C11orf87: variants seen among roughly 807,000 people sequenced by gnomAD.
The protein encoded by C11orf87 is uncharacterized protein C11orf87.
C11orf87 carries 3 observed loss-of-function variants against 9.2 expected under a neutral mutation model. The ratio of observed to expected loss-of-function variants is 0.33; its 90% CI spans 0.15 to 0.84. The LOEUF is 0.84. C11orf87 is among the 40% of genes least tolerant of loss of function. The probability of loss-of-function intolerance (pLI) is 0.55; values close to 1 mark genes in which losing one functional copy is unlikely to be tolerated. For missense variants in C11orf87, 256 were observed against 270.7 expected, an observed-to-expected ratio of 0.95 and a Z score of 0.38; for synonymous variants, 124 against 124.6, an observed-to-expected ratio of 1.00 and a Z score of 0.03.
At position 109,423,779 on chromosome 11, in the gene C11orf87, A is replaced by C. The variant is rs1860529602; in HGVS notation, c.146A>C (p.Gln49Pro). The change falls in exon 2 of 2, where the codon CAG (glutamine) becomes CCG (proline). Residue 49 changes from glutamine (Q) to proline (P), a missense_variant. Gln to Pro is a moderately conservative substitution (Grantham distance 76, BLOSUM62 -1). Coordinates refer to ENST00000327419, the MANE Select transcript of C11orf87 (RefSeq NM_207645.4). This position sits in a 1 kb window ranked among gnomAD's most constrained non-coding sequence, Gnocchi z 5.3. The stretch of plus-strand genomic sequence containing the variant: ...GTAGGCAGCGGCACCTGCATCACGC[A>C]GGTGGGACAGCAGCTCTTCCAGTCC... ...GAVGSGTCIT[Q>P]VGQQLFQSFS... 1.2e-6 allele frequency: 2 copies of C among 1,614,096 alleles called. No individual in the cohort carries two copies. The highest frequency in any genetic ancestry group is 1.7e-6 in the Non-Finnish European group (2 of 1,179,960).
At position 109,424,229 on chromosome 11, in the gene C11orf87, C is replaced by T; in HGVS notation, c.*2C>T. Reference sequence around the variant, plus strand: ...TTGCAAACGGTGGTACTGTCCTGATCGTCTAGCCCCTCTCGTTCCCCGTCC... The same window carrying T: ...TTGCAAACGGTGGTACTGTCCTGATTGTCTAGCCCCTCTCGTTCCCCGTCC... On this transcript the variant is annotated 3_prime_UTR_variant, in exon 2 of 2. Coordinates refer to ENST00000327419, the MANE Select transcript of C11orf87 (RefSeq NM_207645.4). This position sits in a 1 kb window ranked among gnomAD's most constrained non-coding sequence, Gnocchi z 4.7. The T allele has an allele frequency of 1.2e-6, 2 of 1,606,496 alleles. No individual in the cohort carries two copies. The highest frequency in any genetic ancestry group is 8.5e-7 in the Non-Finnish European group (1 of 1,175,598).
chr11:109,424,085 C>A lies in C11orf87; in HGVS notation c.452C>A (p.Ser151Tyr), dbSNP rs557664074. 6.2e-7 allele frequency: 1 copy of A among 1,613,824 alleles called. No individual in the cohort carries two copies. Among genetic ancestry groups the A allele is most frequent in the Non-Finnish European group, 8.5e-7 (1 of 1,180,040 alleles). ...CAPSNASSLS[S>Y]SSPGLPCQGP... ...CCTTCCAACGCCTCGTCGTTGTCCT[C>A]TTCGTCCCCTGGCCTCCCGTGCCAG... The change falls in exon 2 of 2, where the codon TCT becomes TAT. Residue 151 changes from serine (S) to tyrosine (Y), a missense_variant. By Grantham distance (144) the Ser-to-Tyr change is moderately radical (BLOSUM62 -2). Coordinates refer to ENST00000327419, the MANE Select transcript of C11orf87 (RefSeq NM_207645.4). The surrounding 1 kb of genome is among the most constrained non-coding windows in gnomAD (Gnocchi z 4.7).
intron 1 of C11orf87, among the ~76,000 whole-genome samples, chr11:109,422,898 G>A (rs1304039739): frequency 6.6e-6 from 1 of 151,812 alleles, no homozygotes; most frequent in African/African-American, 2.4e-5. Context: ...CGCTGTCCAG[G>A]GAGGGCGAGT....
chr11:109,425,937 T>A lies in C11orf87; in HGVS notation c.*1710T>A, dbSNP rs1565251304. ...GCCTGCAGCAAAAGAAAGGCTCTCT[T>A]TCTCAGTCTGTCCTAACTTCACTGA... On this transcript the variant is annotated 3_prime_UTR_variant, in exon 2 of 2. Transcript: ENST00000327419. 6.6e-6 allele frequency: 1 copy of A among 152,218 alleles called. No homozygotes were observed. Among genetic ancestry groups the A allele is most frequent in the Non-Finnish European group, 1.5e-5 (1 of 68,036 alleles). 9.4% of individuals were successfully genotyped at this position (152,218 alleles called of 1,614,324 possible).
At position 109,424,253 on chromosome 11, in the gene C11orf87, C is replaced by T. The variant is rs1280907035; in HGVS notation, c.*26C>T. 3.8e-6 allele frequency: 6 copies of T among 1,569,468 alleles called. No homozygotes were observed. The highest frequency in any genetic ancestry group is 1.7e-4 in the Middle Eastern group (1 of 5,950). ...TCGTCTAGCCCCTCTCGTTCCCCGT[C>T]CTCGTTTCCAGCATCTTTGCCACCC... On this transcript the variant is annotated 3_prime_UTR_variant, in exon 2 of 2. Coordinates refer to ENST00000327419, the MANE Select transcript of C11orf87 (RefSeq NM_207645.4). The surrounding 1 kb of genome is among the most constrained non-coding windows in gnomAD (Gnocchi z 4.7).
Position 109,424,791 on chromosome 11 carries a change from A to T in C11orf87, c.*564A>T, listed in dbSNP as rs1453865564. The T allele has an allele frequency of 6.0e-6, 1 of 167,112 alleles. No homozygotes were observed. Among genetic ancestry groups the T allele is most frequent in the Non-Finnish European group, 1.5e-5 (1 of 68,174 alleles). The allele number at this position is 167,112 out of a possible 1,614,324, so 10.4% of individuals were successfully genotyped here. A position where few individuals can be genotyped will look rare whatever the true frequency, so the allele number is the denominator to read the frequency against. ...GGGCTCAGGCAATAGTATATTATAA[A>T]GAAAATGTCTACATTAAGCACCAGG... On this transcript the variant is annotated 3_prime_UTR_variant, in exon 2 of 2. Transcript: ENST00000327419. This position sits in a 1 kb window ranked among gnomAD's most constrained non-coding sequence, Gnocchi z 4.7.
rs974540495 is a variant in C11orf87, at chr11:109,427,924, T to A, written c.*3697T>A. 2 of 152,136 alleles carry A rather than the reference T, an allele frequency of 1.3e-5. No homozygotes were observed. Among genetic ancestry groups the A allele is most frequent in the African/African-American group, 4.8e-5 (2 of 41,444 alleles). 9.4% of individuals were successfully genotyped at this position (152,136 alleles called of 1,614,324 possible). ...GGAAACCAAAATAGTTGTTCCATCCTCTTACCCAAAGAGGATACTGAAAAG... is the reference window on the plus strand; with the variant it reads ...GGAAACCAAAATAGTTGTTCCATCCACTTACCCAAAGAGGATACTGAAAAG... On this transcript the variant is annotated 3_prime_UTR_variant, in exon 2 of 2. Coordinates refer to ENST00000327419, the MANE Select transcript of C11orf87 (RefSeq NM_207645.4).
Position 109,423,699 on chromosome 11 carries a change from T to G in C11orf87, c.66T>G (p.Phe22Leu). Residue 22 changes from phenylalanine (F) to leucine (L), a missense_variant, in exon 2 of 2, where the codon TTT (phenylalanine) becomes TTG (leucine). Phe to Leu is a conservative substitution (Grantham distance 22, BLOSUM62 0). Transcript: ENST00000327419. This position sits in a 1 kb window ranked among gnomAD's most constrained non-coding sequence, Gnocchi z 5.3. ...ALPPCLLNRT[F>L]ASPNASGSGN... is the part of the protein sequence containing the mutation. ...CGCCGTGTCTCCTCAACCGGACCTT[T>G]GCTTCCCCCAACGCCAGCGGCAGCG... is the stretch of plus-strand genomic sequence containing the variant. 6.2e-7 allele frequency: 1 copy of G among 1,612,666 alleles called. No individual in the cohort carries two copies. The highest frequency in any genetic ancestry group is 1.7e-4 in the Middle Eastern group (1 of 5,992).
Position 109,426,056 on chromosome 11 carries a change from TG to T in C11orf87, c.*1831del, listed in dbSNP as rs909553656. ...CAGACAAGGCCATCTATGTTAGAAA[TG>T]GAAGTAGTCTATAGTTATTTACCAC... is the stretch of plus-strand genomic sequence containing the variant. On this transcript the variant is annotated 3_prime_UTR_variant, in exon 2 of 2. Transcript: ENST00000327419. 3 of 152,220 alleles carry T rather than the reference TG, an allele frequency of 2.0e-5. No homozygotes were observed. The highest frequency in any genetic ancestry group is 4.4e-5 in the Non-Finnish European group (3 of 68,040). 9.4% of individuals were successfully genotyped at this position (152,220 alleles called of 1,614,324 possible).
In C11orf87 at chr11:109,425,775, A is replaced by T. The variant is rs1319417246; in HGVS notation, c.*1548A>T. Reference sequence around the variant, plus strand: ...TGGTGTGTGTGCTTGCTTGTACTGTATGTGGTTGGGGATGAGACTGGTGGG... The same window carrying T: ...TGGTGTGTGTGCTTGCTTGTACTGTTTGTGGTTGGGGATGAGACTGGTGGG... On this transcript the variant is annotated 3_prime_UTR_variant, in exon 2 of 2. Coordinates refer to ENST00000327419, the MANE Select transcript of C11orf87 (RefSeq NM_207645.4). The T allele has an allele frequency of 6.6e-6, 1 of 152,412 alleles. No individual in the cohort carries two copies. The highest frequency in any genetic ancestry group is 1.5e-5 in the Non-Finnish European group (1 of 68,016). The allele number at this position is 152,412 out of a possible 1,614,324, so 9.4% of individuals were successfully genotyped here. A position where few individuals can be genotyped will look rare whatever the true frequency, so the allele number is the denominator to read the frequency against.
chr11:109,424,230 G>C lies in C11orf87; in HGVS notation c.*3G>C, dbSNP rs746018635. The C allele has an allele frequency of 3.1e-6, 5 of 1,605,808 alleles. No homozygotes were observed. In the East Asian group the frequency reaches 1.1e-4, roughly 36 times the overall value. On this transcript the variant is annotated 3_prime_UTR_variant, in exon 2 of 2. Coordinates refer to ENST00000327419, the MANE Select transcript of C11orf87 (RefSeq NM_207645.4). The surrounding 1 kb of genome is among the most constrained non-coding windows in gnomAD (Gnocchi z 4.7). ...TGCAAACGGTGGTACTGTCCTGATC[G>C]TCTAGCCCCTCTCGTTCCCCGTCCT...
rs1860551455 is a variant in C11orf87 at position 109,424,994 on chromosome 11, G to T, written c.*767G>T. The T allele has an allele frequency of 6.0e-6, 1 of 167,056 alleles. No homozygotes were observed. Among genetic ancestry groups the T allele is most frequent in the South Asian group, 2.1e-4 (1 of 4,830 alleles). The allele number at this position is 167,056 out of a possible 1,614,324, so 10.3% of individuals were successfully genotyped here. On this transcript the variant is annotated 3_prime_UTR_variant, in exon 2 of 2. Transcript: ENST00000327419. This position sits in a 1 kb window ranked among gnomAD's most constrained non-coding sequence, Gnocchi z 4.7. The stretch of plus-strand genomic sequence containing the variant: ...TAAGTACGTTAAAATCTTTAAATGA[G>T]TTTTTTTTAAAAAGCTAACGCTTTC...
Position 109,423,444 on chromosome 11 carries a change from G to A in C11orf87, c.-190G>A, listed in dbSNP as rs1860522542. 1.7e-6 allele frequency: 1 copy of A among 599,016 alleles called. No homozygotes were observed. The highest frequency in any genetic ancestry group is 3.1e-5 in the Admixed American group (1 of 32,494). 37.1% of individuals were successfully genotyped at this position (599,016 alleles called of 1,614,324 possible). ...AGGTGGTATCGGCGAGGATCTCTCG[G>A]GCGCCGCTCACTCCTTGGTCGCCTT... On this transcript the variant is annotated 5_prime_UTR_variant, in exon 2 of 2. Coordinates refer to ENST00000327419, the MANE Select transcript of C11orf87 (RefSeq NM_207645.4). This position sits in a 1 kb window ranked among gnomAD's most constrained non-coding sequence, Gnocchi z 5.3.
rs1344135426 is a variant in C11orf87, at chr11:109,427,065, T to G, written c.*2838T>G. 6.6e-6 allele frequency: 1 copy of G among 152,204 alleles called. No homozygotes were observed. The highest frequency in any genetic ancestry group is 1.5e-5 in the Non-Finnish European group (1 of 68,028). The allele number at this position is 152,204 out of a possible 1,614,324, so 9.4% of individuals were successfully genotyped here. On this transcript the variant is annotated 3_prime_UTR_variant, in exon 2 of 2. Transcript: ENST00000327419. ...TCCAAGGAGCAGCCTGTACACTCTGTGGGGGTAATTATGAAATTGTCCTAC... is the reference window on the plus strand; with the variant it reads ...TCCAAGGAGCAGCCTGTACACTCTGGGGGGGTAATTATGAAATTGTCCTAC...
Position 109,427,309 on chromosome 11 carries a change from C to T in C11orf87, c.*3082C>T, listed in dbSNP as rs900304531. ...ATGATGCAGTTTGTGAGTCAGATTT[C>T]ATACTGAGCTTAATATACTCAAAAC... On this transcript the variant is annotated 3_prime_UTR_variant, in exon 2 of 2. Transcript: ENST00000327419. 4 of 152,130 alleles carry T rather than the reference C, an allele frequency of 2.6e-5. No individual in the cohort carries two copies. Among genetic ancestry groups the T allele is most frequent in the African/African-American group, 7.2e-5 (3 of 41,430 alleles). 9.4% of individuals were successfully genotyped at this position (152,130 alleles called of 1,614,324 possible). A position where few individuals can be genotyped will look rare whatever the true frequency, so the allele number is the denominator to read the frequency against.
At position 109,423,267 on chromosome 11, in the gene C11orf87, G is replaced by A. The variant is rs1032168267; in HGVS notation, c.-259-108G>A. On this transcript the variant is annotated intron_variant, in intron 1 of 1. Coordinates refer to ENST00000327419, the MANE Select transcript of C11orf87 (RefSeq NM_207645.4). This position sits in a 1 kb window ranked among gnomAD's most constrained non-coding sequence, Gnocchi z 5.3. Reference sequence around the variant, plus strand: ...TGACCGAAAATACAGGCAGCGCCCAGCTCAGGCAGTGTGCCCAGAGGGCCG... The same window carrying A: ...TGACCGAAAATACAGGCAGCGCCCAACTCAGGCAGTGTGCCCAGAGGGCCG... The A allele has an allele frequency of 2.0e-5, 6 of 306,442 alleles. No homozygotes were observed. In the East Asian group the frequency reaches 2.6e-4, roughly 13 times the overall value. The allele number at this position is 306,442 out of a possible 1,614,324, so 19.0% of individuals were successfully genotyped here. A position where few individuals can be genotyped will look rare whatever the true frequency, so the allele number is the denominator to read the frequency against.
At position 109,423,522 on chromosome 11, in the gene C11orf87, G is replaced by C. The variant is rs1277727760; in HGVS notation, c.-112G>C. The stretch of plus-strand genomic sequence containing the variant: ...TTGGCTCGCTCGCACACCCCCTCCC[G>C]CTACAGGGAGCAGTTTTGGGTGGCG... On this transcript the variant is annotated 5_prime_UTR_variant, in exon 2 of 2. Transcript: ENST00000327419. This position sits in a 1 kb window ranked among gnomAD's most constrained non-coding sequence, Gnocchi z 5.3. 2 of 1,132,704 alleles carry C rather than the reference G, an allele frequency of 1.8e-6. No homozygotes were observed. The highest frequency in any genetic ancestry group is 5.2e-5 in the East Asian group (2 of 38,664). 70.2% of individuals were successfully genotyped at this position (1,132,704 alleles called of 1,614,324 possible).
In C11orf87 at chr11:109,425,178, A is replaced by G. The variant is rs1159033036; in HGVS notation, c.*951A>G. ...AGGCAGAGGAGGGGCTGTTTTGGAAAGTGACTATTCTGGCTTTTGGTTGGG... is the reference window on the plus strand; with the variant it reads ...AGGCAGAGGAGGGGCTGTTTTGGAAGGTGACTATTCTGGCTTTTGGTTGGG... On this transcript the variant is annotated 3_prime_UTR_variant, in exon 2 of 2. Transcript: ENST00000327419. The G allele has an allele frequency of 6.0e-6, 1 of 167,026 alleles. No homozygotes were observed. Among genetic ancestry groups the G allele is most frequent in the East Asian group, 1.9e-4 (1 of 5,202 alleles). The allele number at this position is 167,026 out of a possible 1,614,324, so 10.3% of individuals were successfully genotyped here.
chr11:109,427,973 T>A lies in C11orf87; in HGVS notation c.*3746T>A, dbSNP rs897164732. The A allele has an allele frequency of 6.6e-5, 10 of 152,136 alleles. No homozygotes were observed. The highest frequency in any genetic ancestry group is 2.4e-4 in the African/African-American group (10 of 41,460). The allele number at this position is 152,136 out of a possible 1,614,324, so 9.4% of individuals were successfully genotyped here. Reference sequence around the variant, plus strand: ...AGTCCGGTATGTGCATGCACTTGTTTCTCTGGGGTCAAATCTGAATGACTT... The same window carrying A: ...AGTCCGGTATGTGCATGCACTTGTTACTCTGGGGTCAAATCTGAATGACTT... On this transcript the variant is annotated 3_prime_UTR_variant, in exon 2 of 2. Transcript: ENST00000327419.
Sources: allele counts gnomAD v4.1 joint callset (sites outside exome capture counted in the v4.1 genomes callset), GRCh38; gene constraint gnomAD v4.1.1; non-coding constraint Gnocchi (gnomAD v3.1); transcripts MANE v1.5; gene names NCBI Gene and HGNC (gene_info 2026-07-23, HGNC 2026-07-21).